FAR2: variants seen among roughly 807,000 people sequenced by gnomAD.
FAR2 encodes the protein fatty acyl-CoA reductase 2.
Under a neutral mutation model 56.0 loss-of-function variants are expected in FAR2, and 19 were observed. That is an observed-to-expected ratio of 0.34 (90% CI 0.24 to 0.50). FAR2 has a LOEUF of 0.50. Among genes scored for constraint, FAR2 ranks in the 20% least tolerant of loss-of-function variants. The probability of loss-of-function intolerance (pLI) is 0.98; values close to 1 mark genes in which losing one functional copy is unlikely to be tolerated. For missense variants in FAR2, 508 were observed against 642.2 expected, an observed-to-expected ratio of 0.79 and a Z score of 2.26; for synonymous variants, 219 against 218.8, an observed-to-expected ratio of 1.00 and a Z score of -0.01.
At chr12:29,260,286 A>G (rs1948394612) in intron 1 of FAR2, among the ~76,000 whole-genome samples, 1 of 152,240 alleles carries the variant, frequency 6.6e-6, no homozygotes, top group Non-Finnish European at 1.5e-5. Flanking sequence ...GGCAAGAGGT[A>G]GAAGAAACAT....
intron 7 of FAR2, among the ~76,000 whole-genome samples, chr12:29,311,529 T>C (rs1440537780): frequency 6.6e-6 from 1 of 152,244 alleles, no homozygotes; most frequent in East Asian, 1.9e-4. Context: ...TCAGTCACGA[T>C]GTGTGGGGAA....
rs372691292 is a variant in FAR2, at chr12:29,209,998, G to A, written c.-38-60414G>A. On this transcript the variant is annotated intron_variant, in intron 1 of 11. Transcript: ENST00000536681. Reference sequence around the variant, plus strand: ...GAGGCAGGAAGATTGCTTGAGCCCAGGAGTTCAAGACCAGCCTGGGCAATA... The same window carrying A: ...GAGGCAGGAAGATTGCTTGAGCCCAAGAGTTCAAGACCAGCCTGGGCAATA... Among the ~76,000 whole-genome samples, 9 of 152,120 alleles carry A rather than the reference G, an allele frequency of 5.9e-5. No homozygotes were observed. In the East Asian group the frequency reaches 1.6e-3, roughly 26 times the overall value.
chr12:29,249,046 C>T (rs985042352), intron 1 of FAR2, among the ~76,000 whole-genome samples: 143 of 152,238 alleles, frequency 9.4e-4, no homozygotes, highest in African/African-American at 3.3e-3. Flanking sequence ...GCAATTATTA[C>T]AGGGTCCTGA....
chr12:29,298,358 T>A (rs1591943777), intron 4 of FAR2, among the ~76,000 whole-genome samples: 2 of 151,668 alleles, frequency 1.3e-5, no homozygotes, highest in African/African-American at 4.8e-5. Context: ...TATTTCACAA[T>A]GAATTTGTCA....
chr12:29,330,055 A>AT (rs1565528515), intron 10 of FAR2, among the ~76,000 whole-genome samples: 2 of 88,446 alleles, frequency 2.3e-5, no homozygotes, highest in African/African-American at 1.2e-4. Context: ...TACATTTATG[A>AT]CTTTTTTTTT....
At chr12:29,310,751 T>C (rs190822895) in intron 6 of FAR2, among the ~76,000 whole-genome samples, 30 of 152,330 alleles carry the variant, frequency 2.0e-4, no homozygotes, top group Middle Eastern at 3.4e-3. Flanking sequence ...GTTTGTTAAT[T>C]GAGTTTATTA....
intron 1 of FAR2, among the ~76,000 whole-genome samples, chr12:29,211,316 T>C (rs1478871256): frequency 6.6e-6 from 1 of 152,148 alleles, no homozygotes; most frequent in Non-Finnish European, 1.5e-5. Flanking sequence ...ATATCTTGAA[T>C]ATCTTGTGGG....
chr12:29,205,214 T>A (rs1947465650), intron 1 of FAR2, among the ~76,000 whole-genome samples: 1 of 152,212 alleles, frequency 6.6e-6, no homozygotes, highest in Non-Finnish European at 1.5e-5. Context: ...TTTATGCATT[T>A]TACTGTGTCC....
chr12:29,222,168 G>A (rs761931590), intron 1 of FAR2, among the ~76,000 whole-genome samples: 2 of 151,806 alleles, frequency 1.3e-5, no homozygotes, highest in South Asian at 2.1e-4. Context: ...TTTTATGATC[G>A]ACCACTCTTC....
chr12:29,152,106 CAACTAAAGGTG>C (rs1949685872), intron 1 of FAR2, among the ~76,000 whole-genome samples: 1 of 152,152 alleles, frequency 6.6e-6, no homozygotes, highest in Non-Finnish European at 1.5e-5. Flanking sequence ...TTAGAATTTT[CAACTAAAGGTG>C]CAGAATAACT....
chr12:29,149,781 C>A (rs1949666800), intron 1 of FAR2, among the ~76,000 whole-genome samples: 2 of 152,264 alleles, frequency 1.3e-5, no homozygotes, highest in South Asian at 4.1e-4. Context: ...GGCGCGGGGC[C>A]GAGTCCCACC....
intron 1 of FAR2, among the ~76,000 whole-genome samples, chr12:29,239,452 CTGTGTGTG>C (rs34821915): frequency 6.8e-5 from 10 of 147,944 alleles, no homozygotes; most frequent in South Asian, 4.4e-4. Flanking sequence ...AATGAATCAA[CTGTGTGTG>C]TGTGTGTGTG....
At chr12:29,206,549 C>G (rs1246020092) in intron 1 of FAR2, among the ~76,000 whole-genome samples, 1 of 152,152 alleles carries the variant, frequency 6.6e-6, no homozygotes, top group African/African-American at 2.4e-5. Context: ...GCCTCTGGCC[C>G]CTTTCAGGCA....
At chr12:29,276,047 A>G (rs896868865) in intron 2 of FAR2, among the ~76,000 whole-genome samples, 2 of 152,196 alleles carry the variant, frequency 1.3e-5, no homozygotes, top group Non-Finnish European at 1.5e-5. Context: ...TCAGAGGCAG[A>G]CAGACCTGGG....
chr12:29,247,029 A>G (rs114689337), intron 1 of FAR2, among the ~76,000 whole-genome samples: 97 of 152,218 alleles, frequency 6.4e-4, no homozygotes, highest in African/African-American at 2.3e-3. Context: ...AACATACAGA[A>G]CTAACTGCAT....
At chr12:29,155,579 A>C (rs1182376743) in intron 1 of FAR2, among the ~76,000 whole-genome samples, 1 of 152,248 alleles carries the variant, frequency 6.6e-6, no homozygotes, top group African/African-American at 2.4e-5. Flanking sequence ...AATGGTTCTT[A>C]TATTTTTAAA....
intron 10 of FAR2, among the ~76,000 whole-genome samples, chr12:29,330,370 TAA>T (rs1466663202): frequency 6.6e-6 from 1 of 152,184 alleles, no homozygotes; most frequent in East Asian, 1.9e-4. Flanking sequence ...TTATGATTTT[TAA>T]AAAGTTATTT....
chr12:29,329,642 CCAAT>C (rs1315525660), intron 10 of FAR2, among the ~76,000 whole-genome samples: 2 of 152,252 alleles, frequency 1.3e-5, no homozygotes, highest in Non-Finnish European at 2.9e-5. Flanking sequence ...AAAACCATAT[CCAAT>C]CAAAGTGATA....
chr12:29,237,708 CAAAAT>C (rs1947962533), intron 1 of FAR2, among the ~76,000 whole-genome samples: 1 of 152,034 alleles, frequency 6.6e-6, no homozygotes, highest in African/African-American at 2.4e-5. Context: ...GACATTTTCT[CAAAAT>C]AAAGTATGCG....
Sources: gnomAD v4.1 joint callset for allele counts (sites outside exome capture counted in the v4.1 genomes callset) on GRCh38, gnomAD v4.1.1 for gene constraint, MANE v1.5 for transcripts, NCBI Gene and HGNC (gene_info 2026-07-23, HGNC 2026-07-21) for gene names.